Variants in NHLRC3 observed in about 807,000 individuals in gnomAD.
NHLRC3 encodes NHL repeat containing 3.
Under a neutral mutation model 32.0 loss-of-function variants are expected in NHLRC3, and 23 were observed. The ratio of observed to expected loss-of-function variants is 0.72; its 90% CI spans 0.52 to 1.02. NHLRC3 has a LOEUF of 1.02. Among genes scored for constraint, NHLRC3 ranks in the 50% least tolerant of loss-of-function variants. The pLI is 0.00. For missense variants in NHLRC3, 407 were observed against 406.8 expected, an observed-to-expected ratio of 1.00 and a Z score of -0.01; for synonymous variants, 159 against 147.9, an observed-to-expected ratio of 1.08 and a Z score of -0.55.
rs1871493556 is a variant in NHLRC3, at chr13:39,042,229, T to G, written c.510T>G (p.Tyr170Ter). ...AGTTTGATAACCCAGCAGAATTATA[T>G]GTAGAGGACACAGGAGATATTTACA... The part of the protein sequence containing the change: ...PLQFDNPAEL[Y>*]VEDTGDIYIV... Residue 170 changes from tyrosine (Y) to a stop codon, truncating the protein, a stop_gained, in exon 4 of 7, where the codon TAT (tyrosine) becomes TAG (stop). Coordinates refer to ENST00000379600, the MANE Select transcript of NHLRC3 (RefSeq NM_001012754.4). LOFTEE classifies it high-confidence loss of function. 1 of 1,611,540 alleles carries G rather than the reference T, an allele frequency of 6.2e-7. No individual in the cohort carries two copies. Among genetic ancestry groups the G allele is most frequent in the Non-Finnish European group, 8.5e-7 (1 of 1,177,866 alleles).
chr13:39,045,267 A>C (rs1456619772), intron 5 of NHLRC3, among the ~76,000 whole-genome samples: 2 of 152,218 alleles, frequency 1.3e-5, no homozygotes, highest in Non-Finnish European at 2.9e-5. Context: ...CTTTGAATTA[A>C]ACTTTTGCAC....
At chr13:39,046,079 C>T (rs935767754) in intron 5 of NHLRC3, among the ~76,000 whole-genome samples, 1 of 152,120 alleles carries the variant, frequency 6.6e-6, no homozygotes, top group African/African-American at 2.4e-5. Flanking sequence ...CTTGTAATCC[C>T]AGCACTTTGG....
Position 39,047,656 on chromosome 13 carries a change from A to G in NHLRC3, c.792-18A>G, listed in dbSNP as rs560615170. On this transcript the variant is annotated intron_variant, in intron 6 of 6. Transcript: ENST00000379600. ...TTTTTTCACAGACATTTATTATGTT[A>G]AATGTCTTTCTCCTTAGGTTTACTC... 1.9e-5 allele frequency: 30 copies of G among 1,599,180 alleles called. No homozygotes were observed. In the South Asian group the frequency reaches 2.6e-4, roughly 14 times the overall value.
upstream of NHLRC3, chr13:39,038,404 G>T (rs934602535): frequency 3.5e-5 from 20 of 565,198 alleles, no homozygotes; most frequent in Admixed American, 3.4e-4. Flanking sequence ...TGACATGAGG[G>T]CGGGGACCCC....
intron 5 of NHLRC3, 55 bp downstream of exon 5, chr13:39,044,236 T>G (rs541119952): frequency 2.9e-5 from 22 of 763,364 alleles, no homozygotes; most frequent in South Asian, 1.3e-4. Context: ...TGTTTGTGTG[T>G]GTGTGTGTGT....
Position 39,047,622 on chromosome 13 carries a change from AC to A in NHLRC3, c.792-49del, listed in dbSNP as rs1566034803. 2.1e-5 allele frequency: 31 copies of A among 1,503,330 alleles called. 1 individual carries two copies. The highest frequency in any genetic ancestry group is 1.6e-4 in the South Asian group (13 of 83,288). The allele number at this position is 1,503,330 out of a possible 1,614,324, so 93.1% of individuals were successfully genotyped here. A position where few individuals can be genotyped will look rare whatever the true frequency, so the allele number is the denominator to read the frequency against. On this transcript the variant is annotated intron_variant, in intron 6 of 6. Coordinates refer to ENST00000379600, the MANE Select transcript of NHLRC3 (RefSeq NM_001012754.4). ...GGGGATTAAAATGTTGAAAAAAAAT[AC>A]CCTTATGTTTTTTCACAGACATTTA...
At position 39,042,116 on chromosome 13, in the gene NHLRC3, C is replaced by T. The variant is rs1871488089; in HGVS notation, c.397C>T (p.His133Tyr). The T allele has an allele frequency of 2.5e-6, 4 of 1,586,462 alleles. No homozygotes were observed. Among genetic ancestry groups the T allele is most frequent in the Non-Finnish European group, 2.6e-6 (3 of 1,155,282 alleles). The change falls in exon 4 of 7, where the codon CAT becomes TAT. Residue 133 changes from histidine to tyrosine, a missense_variant. Transcript: ENST00000379600. Reference sequence around the variant, plus strand: ...ATCTATCTTTATAGGATTCTTTGGTCATACTGTTAAAAAATACAGTTCTTT... The same window carrying T: ...ATCTATCTTTATAGGATTCTTTGGTTATACTGTTAAAAAATACAGTTCTTT... Reference protein sequence around the residue: ...ITDVGSGFFGHTVKKYSSFGD... With the variant: ...ITDVGSGFFGYTVKKYSSFGD...
Position 39,039,578 on chromosome 13 carries a change from C to T in NHLRC3, c.252C>T (p.Ile84=). The T allele has an allele frequency of 8.1e-6, 13 of 1,611,644 alleles. No individual in the cohort carries two copies. Among genetic ancestry groups the T allele is most frequent in the Non-Finnish European group, 1.0e-5 (12 of 1,177,928 alleles). Reference sequence around the variant, plus strand: ...TATACCTTCAGAGAGGGGATAACATCCCAAAGATATTAGTGTTCACAGAGG... The same window carrying T: ...TATACCTTCAGAGAGGGGATAACATTCCAAAGATATTAGTGTTCACAGAGG... ...LVYIGQRGDN[I]PKILVFTEDG... Residue 84 remains isoleucine, a synonymous_variant, in exon 3 of 7, where the codon ATC becomes ATT. Transcript: ENST00000379600.
Position 39,047,954 on chromosome 13 carries a change from G to A in NHLRC3, c.*28G>A, listed in dbSNP as rs756996258. The A allele has an allele frequency of 7.7e-6, 12 of 1,556,554 alleles. No individual in the cohort carries two copies. Among genetic ancestry groups the A allele is most frequent in the South Asian group, 2.3e-5 (2 of 85,110 alleles). The stretch of plus-strand genomic sequence containing the variant: ...TTTCTTTCCTGGGAATATTTCAAGT[G>A]GCAGTTCAGATTCTCAATTCACTAA... On this transcript the variant is annotated 3_prime_UTR_variant, in exon 7 of 7. Transcript: ENST00000379600.
In NHLRC3 at chr13:39,049,826, A is replaced by G. The variant is rs1049748009; in HGVS notation, c.*1900A>G. The G allele has an allele frequency of 6.6e-6, 1 of 152,174 alleles. No individual in the cohort carries two copies. The highest frequency in any genetic ancestry group is 1.5e-5 in the Non-Finnish European group (1 of 68,028). 9.4% of individuals were successfully genotyped at this position (152,174 alleles called of 1,614,324 possible). ...GAAGTGCAAATGCCTCTTTGAAGCAATTCAGGCTAGGTAAACCGATTTTGC... is the reference window on the plus strand; with the variant it reads ...GAAGTGCAAATGCCTCTTTGAAGCAGTTCAGGCTAGGTAAACCGATTTTGC... On this transcript the variant is annotated 3_prime_UTR_variant, in exon 7 of 7. Coordinates refer to ENST00000379600, the MANE Select transcript of NHLRC3 (RefSeq NM_001012754.4).
chr13:39,046,993 T>C, intron 5 of NHLRC3, 47 bp from the exon 6 acceptor site: 1 of 1,154,502 alleles, frequency 8.7e-7, no homozygotes, highest in Non-Finnish European at 1.3e-6. Flanking sequence ...TTTCCCTTTT[T>C]TCTTCTCATG....
At chr13:39,039,481 TCA>T (rs1871365826) in intron 2 of NHLRC3, 81 bp from the exon 3 acceptor site, 1 of 1,305,744 alleles carries the variant, frequency 7.7e-7, no homozygotes, top group South Asian at 1.4e-5. Flanking sequence ...AGTAAAATTC[TCA>T]GTTATTTTTT....
chr13:39,045,466 G>A (rs1030361598), intron 5 of NHLRC3, among the ~76,000 whole-genome samples: 2 of 152,134 alleles, frequency 1.3e-5, no homozygotes, highest in African/African-American at 4.8e-5. Context: ...ACAAAATTGT[G>A]TTTTATAACA....
intron 5 of NHLRC3, 163 bp downstream of exon 5, chr13:39,044,344 T>C: frequency 1.6e-6 from 1 of 610,468 alleles, no homozygotes; most frequent in Non-Finnish European, 2.9e-6. Flanking sequence ...TGGGTATGTC[T>C]GGGTAATTAC....
At chr13:39,045,175 T>C (rs1871621080) in intron 5 of NHLRC3, among the ~76,000 whole-genome samples, 1 of 152,226 alleles carries the variant, frequency 6.6e-6, no homozygotes, top group African/African-American at 2.4e-5. Context: ...AAAATGAGAA[T>C]GTTTTGATCA....
At chr13:39,039,799 C>T in intron 3 of NHLRC3, 88 bp downstream of exon 3, 2 of 919,118 alleles carry the variant, frequency 2.2e-6, no homozygotes, top group Non-Finnish European at 3.3e-6. Context: ...ATCAGAGTTG[C>T]TGAATCTAAT....
chr13:39,044,934 A>T (rs534688811), intron 5 of NHLRC3, among the ~76,000 whole-genome samples: 1 of 152,316 alleles, frequency 6.6e-6, no homozygotes, highest in South Asian at 2.1e-4. Flanking sequence ...CCCCTAATAG[A>T]TGTCAGGCTG....
chr13:39,039,331 G>A (rs371880663), intron 2 of NHLRC3, 43 bp downstream of exon 2: 1 of 1,492,654 alleles, frequency 6.7e-7, no homozygotes, highest in Non-Finnish European at 9.3e-7. Flanking sequence ...CACAAAGGAA[G>A]TAACAGCCTT....
rs1187195022 is a variant in NHLRC3, at chr13:39,039,650, T to G, written c.324T>G (p.His108Gln). The change falls in exon 3 of 7, where the codon CAT becomes CAG. Residue 108 changes from histidine (H) to glutamine (Q), a missense_variant. By Grantham distance (24) the His-to-Gln change is conservative. Transcript: ENST00000379600. ...GGAATTATACAGTTGACACACCTCA[T>G]GGTATATTTGCAGCCAGTACTCTAT... ...RAWNYTVDTP[H>Q]GIFAASTLYE... The G allele has an allele frequency of 6.2e-7, 1 of 1,612,374 alleles. No individual in the cohort carries two copies. Among genetic ancestry groups the G allele is most frequent in the Non-Finnish European group, 8.5e-7 (1 of 1,178,530 alleles).
Sources: allele counts gnomAD v4.1 joint callset (sites outside exome capture counted in the v4.1 genomes callset), GRCh38; gene constraint gnomAD v4.1.1; transcripts MANE v1.5; gene names NCBI Gene and HGNC (gene_info 2026-07-23, HGNC 2026-07-21).